Variants in THAP2 observed in about 807,000 individuals in gnomAD.
The protein encoded by THAP2 is THAP domain-containing protein 2.
THAP2 carries 16 observed loss-of-function variants against 18.8 expected under a neutral mutation model. That is an observed-to-expected ratio of 0.85 (90% CI 0.58 to 1.29). The LOEUF (loss-of-function observed/expected upper bound fraction) is 1.29, where lower values mean the gene tolerates loss of function less well. Ranked by LOEUF, THAP2 falls within the 50% of genes most tolerant of loss-of-function variation. The pLI, the probability that THAP2 is intolerant of heterozygous loss-of-function variation, is 0.00. For synonymous variants in THAP2, 80 were observed against 89.2 expected (o/e 0.90, Z 0.58); for missense variants, 251 against 265.3 (o/e 0.95, Z 0.38).
chr12:71,671,561 G>A (rs1431258803), intron 1 of THAP2, among the ~76,000 whole-genome samples: 1 of 152,216 alleles, frequency 6.6e-6, no homozygotes, highest in East Asian at 1.9e-4. Context: ...CACAAAGACT[G>A]TGAGGTCATG....
At chr12:71,665,205 A>C in intron 1 of THAP2, 1 of 468,878 alleles carries the variant, frequency 2.1e-6, no homozygotes, top group South Asian at 2.7e-5. Flanking sequence ...TCTTGAAAGC[A>C]CTTTGAACAA....
At position 71,677,134 on chromosome 12, in the gene THAP2, C is replaced by G; in HGVS notation, c.*26C>G. 1 of 1,506,402 alleles carries G rather than the reference C, an allele frequency of 6.6e-7. No individual in the cohort carries two copies. The highest frequency in any genetic ancestry group is 8.9e-7 in the Non-Finnish European group (1 of 1,127,892). The allele number at this position is 1,506,402 out of a possible 1,614,324, so 93.3% of individuals were successfully genotyped here. On this transcript the variant is annotated 3_prime_UTR_variant, in exon 3 of 3. Transcript: ENST00000308086. ...ATTTAGCTTGCACAGAGCTTGATGCCTATCCTTCATTCTTTTCAGAAGTAA... is the reference window on the plus strand; with the variant it reads ...ATTTAGCTTGCACAGAGCTTGATGCGTATCCTTCATTCTTTTCAGAAGTAA...
In THAP2 at chr12:71,664,362, A is replaced by G. The variant is rs1881284130; in HGVS notation, c.-148A>G. ...CCGTCCTTCGCCTCCGCCCCCACATACACACCCCTTCTTCCCACTCCGCTC... is the reference window on the plus strand; with the variant it reads ...CCGTCCTTCGCCTCCGCCCCCACATGCACACCCCTTCTTCCCACTCCGCTC... On this transcript the variant is annotated 5_prime_UTR_variant, in exon 1 of 3. The change creates a new upstream start codon in the 5' untranslated region. Coordinates refer to ENST00000308086, the MANE Select transcript of THAP2 (RefSeq NM_031435.4). 3 of 888,280 alleles carry G rather than the reference A, an allele frequency of 3.4e-6. No homozygotes were observed. In the Admixed American group the frequency reaches 6.4e-5, roughly 19 times the overall value. The allele number at this position is 888,280 out of a possible 1,614,324, so 55.0% of individuals were successfully genotyped here.
intron 1 of THAP2, among the ~76,000 whole-genome samples, chr12:71,672,673 T>G (rs1352539403): frequency 1.3e-5 from 2 of 152,092 alleles, no homozygotes; most frequent in Non-Finnish European, 2.9e-5. Context: ...TTATTTATTT[T>G]GAAATGGCAG....
At chr12:71,668,579 T>C (rs1277619248) in intron 1 of THAP2, among the ~76,000 whole-genome samples, 1 of 152,176 alleles carries the variant, frequency 6.6e-6, no homozygotes, top group African/African-American at 2.4e-5. Context: ...CTCTATTCTA[T>C]TGCATCCAGC....
At chr12:71,670,155 C>T (rs1413293128) in intron 1 of THAP2, among the ~76,000 whole-genome samples, 1 of 151,980 alleles carries the variant, frequency 6.6e-6, no homozygotes, top group Admixed American at 6.6e-5. Flanking sequence ...TAGTGTTAGC[C>T]AACCTAGTAT....
At chr12:71,667,856 A>T (rs1350401080) in intron 1 of THAP2, 2 of 152,208 alleles carry the variant, frequency 1.3e-5, no homozygotes, top group Admixed American at 1.3e-4. Flanking sequence ...GTGCAGTTTC[A>T]CACTATTTTA....
chr12:71,670,832 A>G (rs978071322), intron 1 of THAP2, among the ~76,000 whole-genome samples: 3 of 150,858 alleles, frequency 2.0e-5, no homozygotes, highest in African/African-American at 7.3e-5. Context: ...CCAGCTACTC[A>G]GGAGGCCGAG....
intron 1 of THAP2, among the ~76,000 whole-genome samples, chr12:71,670,802 G>A (rs1021917158): frequency 6.6e-6 from 1 of 151,726 alleles, no homozygotes; most frequent in Non-Finnish European, 1.5e-5. Context: ...AAGCGTGCGT[G>A]GTGGCAGGCG....
At chr12:71,664,811 A>G in intron 1 of THAP2, 1 of 704,034 alleles carries the variant, frequency 1.4e-6, no homozygotes, top group South Asian at 1.5e-5. Flanking sequence ...ATTACCCCTT[A>G]GTAAAAAAAA....
chr12:71,673,288 A>AT (rs561965895), intron 1 of THAP2, among the ~76,000 whole-genome samples: 1 of 151,856 alleles, frequency 6.6e-6, no homozygotes, highest in Non-Finnish European at 1.5e-5. Context: ...CTTTTTCTTA[A>AT]TTTTTTTGAT....
rs1419459548 is a variant in THAP2, at chr12:71,678,539, T to C, written c.*1431T>C. 1 of 152,398 alleles carries C rather than the reference T, an allele frequency of 6.6e-6. No individual in the cohort carries two copies. The highest frequency in any genetic ancestry group is 1.5e-5 in the Non-Finnish European group (1 of 68,036). 9.4% of individuals were successfully genotyped at this position (152,398 alleles called of 1,614,324 possible). A position where few individuals can be genotyped will look rare whatever the true frequency, so the allele number is the denominator to read the frequency against. On this transcript the variant is annotated 3_prime_UTR_variant, in exon 3 of 3. Coordinates refer to ENST00000308086, the MANE Select transcript of THAP2 (RefSeq NM_031435.4). The stretch of plus-strand genomic sequence containing the variant: ...TTGAAATCATGTAAAAATTTGTTAA[T>C]AGAGAATCAAGTTATTTAACTCAAC...
At chr12:71,675,501 G>A (rs1199498232) in intron 2 of THAP2, among the ~76,000 whole-genome samples, 1 of 152,068 alleles carries the variant, frequency 6.6e-6, no homozygotes, top group African/African-American at 2.4e-5. Flanking sequence ...CAGTGCTAGA[G>A]ATACAAAGAT....
Position 71,679,602 on chromosome 12 carries a change from A to G in THAP2, c.*2494A>G, listed in dbSNP as rs1417480466. On this transcript the variant is annotated 3_prime_UTR_variant, in exon 3 of 3. Coordinates refer to ENST00000308086, the MANE Select transcript of THAP2 (RefSeq NM_031435.4). ...ACCAGCCAAAGGCTAGGTACTTGATATAAAAAGGAATATTACATTATTTTC... is the reference window on the plus strand; with the variant it reads ...ACCAGCCAAAGGCTAGGTACTTGATGTAAAAAGGAATATTACATTATTTTC... 6.6e-6 allele frequency: 1 copy of G among 152,186 alleles called. No homozygotes were observed. The highest frequency in any genetic ancestry group is 1.5e-5 in the Non-Finnish European group (1 of 68,000). 9.4% of individuals were successfully genotyped at this position (152,186 alleles called of 1,614,324 possible). A position where few individuals can be genotyped will look rare whatever the true frequency, so the allele number is the denominator to read the frequency against.
rs1263434675 is a variant in THAP2 at position 71,676,851 on chromosome 12, G to T, written c.430G>T (p.Glu144Ter). The T allele has an allele frequency of 6.2e-7, 1 of 1,613,584 alleles. No individual in the cohort carries two copies. ...AKKRIIKLEK[E>*]IASLRRKMKT... ...AAAGAGGATCATTAAACTGGAAAAA[G>T]AAATAGCAAGCTTAAGAAGAAAAAT... The change falls in exon 3 of 3, where the codon GAA becomes TAA. Residue 144 changes from glutamate (E) to a stop codon, truncating the protein, a stop_gained. Transcript: ENST00000308086. LOFTEE classifies it high-confidence loss of function.
intron 2 of THAP2, among the ~76,000 whole-genome samples, chr12:71,675,381 T>C (rs1018411262): frequency 5.3e-5 from 8 of 152,154 alleles, no homozygotes; most frequent in African/African-American, 1.9e-4. Context: ...TGGGACATAG[T>C]ATATACTCAA....
Position 71,664,490 on chromosome 12 carries a change from T to C in THAP2, c.-20T>C. 3.7e-6 allele frequency: 6 copies of C among 1,614,096 alleles called. No individual in the cohort carries two copies. Among genetic ancestry groups the C allele is most frequent in the Non-Finnish European group, 5.1e-6 (6 of 1,179,986 alleles). On this transcript the variant is annotated 5_prime_UTR_variant, in exon 1 of 3. Transcript: ENST00000308086. ...CGCCTCAGTAGAGACCTAAGGGCGC[T>C]GAATGAGTGGGAAAGGGAAATGCCG...
rs1199276088 is a variant in THAP2, at chr12:71,678,874, T to A, written c.*1766T>A. On this transcript the variant is annotated 3_prime_UTR_variant, in exon 3 of 3. Transcript: ENST00000308086. ...AATGTTATAAATCTTGCTAGTTATT[T>A]TATCTTTATCTTAAGTATTAGATGT... The A allele has an allele frequency of 1.3e-5, 2 of 152,196 alleles. No individual in the cohort carries two copies. The highest frequency in any genetic ancestry group is 2.9e-5 in the Non-Finnish European group (2 of 68,022). 9.4% of individuals were successfully genotyped at this position (152,196 alleles called of 1,614,324 possible).
At chr12:71,674,978 G>T (rs1881499733) in intron 2 of THAP2, among the ~76,000 whole-genome samples, 1 of 151,124 alleles carries the variant, frequency 6.6e-6, no homozygotes, top group African/African-American at 2.4e-5. Context: ...TTAAAGGAAA[G>T]AATGAAGAAA....
Sources: allele counts gnomAD v4.1 joint callset (sites outside exome capture counted in the v4.1 genomes callset), GRCh38; gene constraint gnomAD v4.1.1; transcripts MANE v1.5; gene names NCBI Gene and HGNC (gene_info 2026-07-23, HGNC 2026-07-21).